The following PCSK6 variants were observed in gnomAD, a reference collection of about 807,000 sequenced individuals.
PCSK6 encodes proprotein convertase subtilisin/kexin type 6.
Under a neutral mutation model 123.3 loss-of-function variants are expected in PCSK6, and 85 were observed. The ratio of observed to expected loss-of-function variants is 0.69; its 90% CI spans 0.58 to 0.83. PCSK6 has a LOEUF of 0.83. Among genes scored for constraint, PCSK6 ranks in the 40% least tolerant of loss-of-function variants. PCSK6 has a pLI of 0.00. For synonymous variants in PCSK6, 508 were observed against 516.0 expected, an observed-to-expected ratio of 0.98 and a Z score of 0.21; for missense variants, 1,191 against 1,282.3, an observed-to-expected ratio of 0.93 and a Z score of 1.09.
intron 20 of PCSK6, among the ~76,000 whole-genome samples, chr15:101,310,694 G>A (rs2039836802): frequency 6.6e-6 from 1 of 152,158 alleles, no homozygotes; most frequent in Non-Finnish European, 1.5e-5. Flanking sequence ...TCTGCTGTGG[G>A]TCAGACAAGT....
chr15:101,334,010 C>T (rs1236759339), intron 13 of PCSK6, among the ~76,000 whole-genome samples: 1 of 152,226 alleles, frequency 6.6e-6, no homozygotes, highest in Admixed American at 6.5e-5. Context: ...TTAGCCTGGA[C>T]AGGGCCGGAA....
intron 8 of PCSK6, among the ~76,000 whole-genome samples, chr15:101,391,428 C>G (rs1869107502): frequency 6.6e-6 from 1 of 152,204 alleles, no homozygotes; most frequent in Admixed American, 6.5e-5. Flanking sequence ...GAGGGGCCTA[C>G]CCTGGGAGGG....
rs533112182 is a variant in PCSK6, at chr15:101,381,253, A to T, written c.1532+839T>A. On this transcript the variant is annotated intron_variant, in intron 11 of 21. Coordinates refer to ENST00000611716, the MANE Select transcript of PCSK6 (RefSeq NM_002570.5). Reference sequence around the variant, plus strand: ...GTGGTGGGTGCCTATAATCCCAGCTACTCGGGAGGCTGAGGCAGGAAGATG... The same window carrying T: ...GTGGTGGGTGCCTATAATCCCAGCTTCTCGGGAGGCTGAGGCAGGAAGATG... 1.3e-3 allele frequency among the ~76,000 whole-genome samples: 192 copies of T among 152,112 alleles called. 2 individuals are homozygous for T. The highest frequency in any genetic ancestry group is 0.01 in the Middle Eastern group (3 of 294).
chr15:101,479,841 G>A (rs993079497), intron 1 of PCSK6, among the ~76,000 whole-genome samples: 3 of 152,188 alleles, frequency 2.0e-5, no homozygotes, highest in East Asian at 1.9e-4. Context: ...GTGAACTTGG[G>A]CCTTTTGAAG....
intron 13 of PCSK6, among the ~76,000 whole-genome samples, chr15:101,332,489 G>A (rs899691072): frequency 5.9e-5 from 9 of 152,208 alleles, no homozygotes; most frequent in African/African-American, 2.2e-4. Context: ...TGATAACTGG[G>A]TTGCATGGAG....
intron 1 of PCSK6, among the ~76,000 whole-genome samples, chr15:101,486,032 C>G (rs963575788): frequency 8.3e-5 from 12 of 144,714 alleles, no homozygotes; most frequent in East Asian, 2.0e-4. Context: ...GGTGCGGTCT[C>G]GGTTCACTGC....
intron 1 of PCSK6, among the ~76,000 whole-genome samples, chr15:101,477,233 ATATG>A (rs1240652160): frequency 6.6e-5 from 10 of 152,012 alleles, no homozygotes; most frequent in Non-Finnish European, 1.3e-4. Context: ...ATTGGTGAAT[ATATG>A]TGTGTGCGTG....
At chr15:101,360,093 A>C (rs904883917) in intron 13 of PCSK6, among the ~76,000 whole-genome samples, 2 of 151,444 alleles carry the variant, frequency 1.3e-5, no homozygotes, top group Non-Finnish European at 2.9e-5. Flanking sequence ...CTCCTCTCAC[A>C]GCCCACATCT....
chr15:101,429,871 C>T lies in PCSK6; in HGVS notation c.734+116G>A. On this transcript the variant is annotated intron_variant, in intron 5 of 21. Coordinates refer to ENST00000611716, the MANE Select transcript of PCSK6 (RefSeq NM_002570.5). ...CTCCTGGAGAAGCCTGCCTCGCGCCCAGGCAGGGAAGATACGCCGGCAGCC... is the reference window on the plus strand; with the variant it reads ...CTCCTGGAGAAGCCTGCCTCGCGCCTAGGCAGGGAAGATACGCCGGCAGCC... 5.8e-6 allele frequency: 5 copies of T among 866,454 alleles called. No individual in the cohort carries two copies. The South Asian group carries it at 7.4e-5, about 13-fold the overall frequency. 53.7% of individuals were successfully genotyped at this position (866,454 alleles called of 1,614,324 possible).
In PCSK6 at chr15:101,469,357, G is replaced by A. The variant is rs572072781; in HGVS notation, c.297+20017C>T. ...ATTTGTAGTTTACAGGCAAATGCAC[G>A]TGTGTAGAGAGCTGCTACATGCCCT... On this transcript the variant is annotated intron_variant, in intron 1 of 21. Coordinates refer to ENST00000611716, the MANE Select transcript of PCSK6 (RefSeq NM_002570.5). 8.5e-5 allele frequency among the ~76,000 whole-genome samples: 13 copies of A among 152,300 alleles called. No homozygotes were observed. The South Asian group carries it at 1.7e-3, about 19-fold the overall frequency.
chr15:101,309,367 G>A (rs1182786565), intron 20 of PCSK6, among the ~76,000 whole-genome samples: 1 of 152,210 alleles, frequency 6.6e-6, no homozygotes, highest in Non-Finnish European at 1.5e-5. Flanking sequence ...CAGGATTACC[G>A]TGCCCAGCAG....
At chr15:101,487,321 A>G (rs2058042654) in intron 1 of PCSK6, among the ~76,000 whole-genome samples, 1 of 152,250 alleles carries the variant, frequency 6.6e-6, no homozygotes, top group South Asian at 2.1e-4. Context: ...CGTGGCATTC[A>G]TGCTGGCTGC....
intron 16 of PCSK6, among the ~76,000 whole-genome samples, chr15:101,325,291 A>G (rs1343302046): frequency 1.3e-5 from 2 of 152,170 alleles, no homozygotes; most frequent in Non-Finnish European, 2.9e-5. Context: ...GAGGGTGCGC[A>G]TGGTTTCCCA....
chr15:101,421,399 G>A (rs1017488422), intron 6 of PCSK6, among the ~76,000 whole-genome samples: 6 of 152,254 alleles, frequency 3.9e-5, no homozygotes, highest in South Asian at 2.1e-4. Flanking sequence ...CAAAAGGTGC[G>A]ACCAAATTTC....
chr15:101,456,209 A>AG (rs2057173633), intron 1 of PCSK6, among the ~76,000 whole-genome samples: 1 of 151,406 alleles, frequency 6.6e-6, no homozygotes, highest in Non-Finnish European at 1.5e-5. Flanking sequence ...ATCCTACTCC[A>AG]GGGATGGAAG....
At chr15:101,310,666 T>G (rs906360568) in intron 20 of PCSK6, among the ~76,000 whole-genome samples, 20 of 152,198 alleles carry the variant, frequency 1.3e-4, no homozygotes, top group African/African-American at 4.3e-4. Flanking sequence ...CCGAGATACG[T>G]AACCGCCACC....
At chr15:101,484,940 T>C (rs1278004314) in intron 1 of PCSK6, among the ~76,000 whole-genome samples, 1 of 152,186 alleles carries the variant, frequency 6.6e-6, no homozygotes, top group Non-Finnish European at 1.5e-5. Context: ...ACAAGTCTCT[T>C]TGTGCACACG....
At chr15:101,439,229 G>A (rs907162609) in intron 2 of PCSK6, among the ~76,000 whole-genome samples, 1 of 152,252 alleles carries the variant, frequency 6.6e-6, no homozygotes, top group Non-Finnish European at 1.5e-5. Flanking sequence ...GCGGATGAGC[G>A]CTTCCCTCTG....
rs141712479 is a variant in PCSK6, at chr15:101,473,197, C to T, written c.297+16177G>A. On this transcript the variant is annotated intron_variant, in intron 1 of 21. Transcript: ENST00000611716. Reference sequence around the variant, plus strand: ...GCTCAAGCAATCCTCTGGCCTCAGCCTCCTGAGTAGCTGGGACTATAGGCA... The same window carrying T: ...GCTCAAGCAATCCTCTGGCCTCAGCTTCCTGAGTAGCTGGGACTATAGGCA... 5.5e-3 allele frequency among the ~76,000 whole-genome samples: 842 copies of T among 152,280 alleles called. 7 individuals carry two copies. Among genetic ancestry groups the T allele is most frequent in the African/African-American group, 0.019 (777 of 41,548 alleles).
Sources: gnomAD v4.1 joint callset for allele counts (sites outside exome capture counted in the v4.1 genomes callset) on GRCh38, gnomAD v4.1.1 for gene constraint, MANE v1.5 for transcripts, NCBI Gene and HGNC (gene_info 2026-07-23, HGNC 2026-07-21) for gene names.